LRP1B: variants seen among roughly 807,000 people sequenced by gnomAD.
LRP1B encodes low-density lipoprotein receptor-related protein 1B.
A neutral mutation model predicts 556.6 loss-of-function variants in LRP1B; 217 were observed. That is an observed-to-expected ratio of 0.39 (90% CI 0.35 to 0.44). The LOEUF is 0.44. Among genes scored for constraint, LRP1B ranks in the 20% least tolerant of loss-of-function variants. LRP1B has a pLI of 1.00. For synonymous variants in LRP1B, 2,047 were observed against 1,865.8 expected (o/e 1.10, Z -2.50); for missense variants, 5,053 against 5,620.8 (o/e 0.90, Z 3.23).
chr2:141,558,032 C>A (rs79062359), intron 2 of LRP1B, among the ~76,000 whole-genome samples: 2,016 of 152,000 alleles, frequency 0.013, 51 homozygotes, highest in African/African-American at 0.046. Context: ...AAATTTGAGG[C>A]TTTGCAGGTC....
chr2:140,839,846 T>C lies in LRP1B; in HGVS notation c.5209+145A>G, dbSNP rs1425025056. ...ACTAATAAACCTAACAGAAACCCAATGGATTCAATGAAATTGGTCAGTTCC... is the reference window on the plus strand; with the variant it reads ...ACTAATAAACCTAACAGAAACCCAACGGATTCAATGAAATTGGTCAGTTCC... On this transcript the variant is annotated intron_variant, in intron 31 of 90. Transcript: ENST00000389484. 5 of 629,826 alleles carry C rather than the reference T, an allele frequency of 7.9e-6. No individual in the cohort carries two copies. In the East Asian group the frequency reaches 1.1e-4, roughly 14 times the overall value. 39.0% of individuals were successfully genotyped at this position (629,826 alleles called of 1,614,324 possible).
intron 7 of LRP1B, among the ~76,000 whole-genome samples, chr2:141,091,506 G>T (rs762482975): frequency 3.3e-5 from 5 of 152,150 alleles, no homozygotes; most frequent in Non-Finnish European, 5.9e-5. Context: ...TTTCTCCAGG[G>T]ACTCGTTTCC....
intron 1 of LRP1B, among the ~76,000 whole-genome samples, chr2:141,822,157 A>AGG: frequency 6.6e-6 from 1 of 150,956 alleles, no homozygotes; most frequent in Non-Finnish European, 1.5e-5. Context: ...AGAGAGAGAG[A>AGG]TAATAGTAAA....
intron 29 of LRP1B, among the ~76,000 whole-genome samples, chr2:140,842,050 C>T (rs1258383466): frequency 6.6e-6 from 1 of 152,218 alleles, no homozygotes; most frequent in South Asian, 2.1e-4. Flanking sequence ...AATAAAGATT[C>T]TAATTCAGTA....
intron 3 of LRP1B, among the ~76,000 whole-genome samples, chr2:141,399,601 T>C (rs1055259730): frequency 8.5e-5 from 13 of 152,088 alleles, no homozygotes; most frequent in Admixed American, 6.6e-4. Context: ...CCCAAACCTA[T>C]AGAAACACTT....
At chr2:140,847,506 C>T (rs13020226) in intron 29 of LRP1B, among the ~76,000 whole-genome samples, 14,700 of 152,006 alleles carry the variant, frequency 0.097, 781 homozygotes, top group African/African-American at 0.11. Context: ...CAGTGGTTCA[C>T]GCCTGTAATC....
At chr2:140,324,965 CTT>C (rs548973523) in intron 80 of LRP1B, among the ~76,000 whole-genome samples, 2 of 146,798 alleles carry the variant, frequency 1.4e-5, no homozygotes, top group African/African-American at 2.5e-5. Context: ...AGTTGTTTTT[CTT>C]TTAACTTCCC....
chr2:142,067,917 A>G (rs1705166724), intron 1 of LRP1B, among the ~76,000 whole-genome samples: 1 of 151,600 alleles, frequency 6.6e-6, no homozygotes, highest in African/African-American at 2.4e-5. Flanking sequence ...TTGGAAATAA[A>G]TGTACACTTT....
intron 43 of LRP1B, among the ~76,000 whole-genome samples, chr2:140,575,703 C>T (rs1681493730): frequency 6.6e-6 from 1 of 151,908 alleles, no homozygotes; most frequent in Non-Finnish European, 1.5e-5. Context: ...GCGGGAGGAT[C>T]ATGAGGTCAG....
chr2:140,728,751 A>G (rs1179728636), intron 35 of LRP1B, among the ~76,000 whole-genome samples: 1 of 152,150 alleles, frequency 6.6e-6, no homozygotes, highest in Non-Finnish European at 1.5e-5. Flanking sequence ...GGGATGTAGC[A>G]TAATGACTAA....
chr2:141,106,722 C>A (rs1417063790), intron 7 of LRP1B, among the ~76,000 whole-genome samples: 1 of 152,136 alleles, frequency 6.6e-6, no homozygotes, highest in Non-Finnish European at 1.5e-5. Flanking sequence ...CACCACAGGG[C>A]ACTCACTCCT....
intron 2 of LRP1B, among the ~76,000 whole-genome samples, chr2:141,550,451 G>T (rs1477923577): frequency 6.6e-6 from 1 of 152,112 alleles, no homozygotes; most frequent in Non-Finnish European, 1.5e-5. Flanking sequence ...AGGAAAAAAA[G>T]TGTCCAATGC....
At chr2:141,675,711 TTAG>T (rs1690851251) in intron 2 of LRP1B, among the ~76,000 whole-genome samples, 1 of 150,966 alleles carries the variant, frequency 6.6e-6, no homozygotes, top group African/African-American at 2.4e-5. Flanking sequence ...ATGCACTGTT[TTAG>T]TAGAAGTTAG....
chr2:141,876,517 T>C (rs1698763952), intron 1 of LRP1B, among the ~76,000 whole-genome samples: 1 of 152,002 alleles, frequency 6.6e-6, no homozygotes, highest in South Asian at 2.1e-4. Flanking sequence ...AGAAAAGATA[T>C]ATTATAGATT....
intron 43 of LRP1B, among the ~76,000 whole-genome samples, chr2:140,586,036 A>G (rs1405833348): frequency 6.6e-6 from 1 of 152,178 alleles, no homozygotes; most frequent in Non-Finnish European, 1.5e-5. Flanking sequence ...ACTCAAATAG[A>G]TGTTTCCCTT....
At chr2:140,994,228 A>T (rs1697176842) in intron 15 of LRP1B, 93 bp from the exon 16 acceptor site, 1 of 1,083,950 alleles carries the variant, frequency 9.2e-7, no homozygotes, top group Non-Finnish European at 1.4e-6. Context: ...TTTGTTTTAG[A>T]TTCTACATAT....
chr2:140,326,560 CA>C (rs1323747929), intron 79 of LRP1B, among the ~76,000 whole-genome samples: 3 of 152,074 alleles, frequency 2.0e-5, no homozygotes, highest in African/African-American at 7.2e-5. Context: ...ACTAAAAATA[CA>C]AAAATTAGCA....
At chr2:140,599,250 C>T (rs1265771638) in intron 42 of LRP1B, among the ~76,000 whole-genome samples, 1 of 152,052 alleles carries the variant, frequency 6.6e-6, no homozygotes, top group African/African-American at 2.4e-5. Context: ...TTATTTGCTT[C>T]AATTGATGAA....
In LRP1B at chr2:141,229,251, C is replaced by T; in HGVS notation, c.782G>A (p.Cys261Tyr). 6.2e-7 allele frequency: 1 copy of T among 1,611,620 alleles called. No homozygotes were observed. Among genetic ancestry groups the T allele is most frequent in the Non-Finnish European group, 8.5e-7 (1 of 1,177,978 alleles). ...TCCTCCTGCTTTTGTTATCTGGATA[C>T]ATTTGAGTTGATTTGAAGATTCTCT... The part of the protein sequence containing the change: ...ESRESSNQLK[C>Y]IQITKAGGLT... Residue 261 changes from cysteine (C) to tyrosine (Y), a missense_variant, in exon 6 of 91, where the codon TGT becomes TAT. Physicochemically the swap from Cys to Tyr is radical, Grantham distance 194. This residue lies in a region of LRP1B where 3,619 missense variants were observed against 3,931.9 expected (regional missense o/e 0.92). Coordinates refer to ENST00000389484, the MANE Select transcript of LRP1B (RefSeq NM_018557.3).
Sources: allele counts gnomAD v4.1 joint callset (sites outside exome capture counted in the v4.1 genomes callset), GRCh38; gene constraint gnomAD v4.1.1; regional missense constraint gnomAD v4.1.1; transcripts MANE v1.5; gene names NCBI Gene and HGNC (gene_info 2026-07-23, HGNC 2026-07-21).